The following TIA1 variants were observed in gnomAD, a reference collection of about 807,000 sequenced individuals.
The protein encoded by TIA1 is cytotoxic granule associated RNA binding protein TIA1.
Under a neutral mutation model 65.9 loss-of-function variants are expected in TIA1, and 23 were observed. The observed-to-expected ratio is 0.35, with a 90% CI of 0.25 to 0.49. The LOEUF is 0.49. Among genes scored for constraint, TIA1 ranks in the 20% least tolerant of loss-of-function variants. The probability of loss-of-function intolerance (pLI) is 0.98; values close to 1 mark genes in which losing one functional copy is unlikely to be tolerated. For synonymous variants in TIA1, 147 were observed against 149.4 expected, an observed-to-expected ratio of 0.98 and a Z score of 0.12; for missense variants, 371 against 477.9, an observed-to-expected ratio of 0.78 and a Z score of 2.09.
chr2:70,225,082 A>G (rs1337096306), intron 6 of TIA1: 1 of 995,748 alleles, frequency 1.0e-6, no homozygotes. Flanking sequence ...TATATTCCCT[A>G]AACTAATTAA....
At chr2:70,238,222 T>C (rs771561118) in intron 1 of TIA1, among the ~76,000 whole-genome samples, 1 of 150,504 alleles carries the variant, frequency 6.6e-6, no homozygotes, top group Non-Finnish European at 1.5e-5. Flanking sequence ...TCTACTTCTA[T>C]GGTATTACTA....
chr2:70,236,358 C>G (rs780924164), intron 1 of TIA1, among the ~76,000 whole-genome samples, 183 bp from the exon 2 acceptor site: 2 of 152,076 alleles, frequency 1.3e-5, no homozygotes, highest in African/African-American at 2.4e-5. Context: ...CGTGACCACA[C>G]CCAGCTAATT....
intron 11 of TIA1, 78 bp from the exon 12 acceptor site, chr2:70,214,572 G>C (rs1031935502): frequency 9.3e-7 from 1 of 1,076,906 alleles, no homozygotes; most frequent in Non-Finnish European, 1.2e-6. Context: ...CAAATTCTTA[G>C]CCAAAACACA....
rs1677321128 is a variant in TIA1 at position 70,213,706 on chromosome 2, C to T, written c.1034+643G>A. Among the ~76,000 whole-genome samples, 5 of 151,952 alleles carry T rather than the reference C, an allele frequency of 3.3e-5. No individual in the cohort carries two copies. The South Asian group carries it at 1.0e-3, about 32-fold the overall frequency. ...TTGCTCTGCTGCCCAGGCTGGAGTG[C>T]AGTGGTGTAGTCTCAGCTCACTGCA... is the stretch of plus-strand genomic sequence containing the variant. On this transcript the variant is annotated intron_variant, in intron 12 of 12. Transcript: ENST00000433529.
In TIA1 at chr2:70,214,435, T is replaced by A; in HGVS notation, c.948A>T (p.Ala316=). 1.9e-6 allele frequency: 3 copies of A among 1,614,050 alleles called. No individual in the cohort carries two copies. Among genetic ancestry groups the A allele is most frequent in the South Asian group, 2.2e-5 (2 of 91,072 alleles). ...YGQWGQWYGN[A]QQIGQYMPNG... is the part of the protein sequence containing the mutation. ...TAGGCATATACTGGCCAATTTGTTG[T>A]GCATTTCCATACCACTGGCCCCACT... Residue 316 remains alanine (A), a synonymous_variant, in exon 12 of 13, where the codon GCA becomes GCT. Transcript: ENST00000433529.
At position 70,230,818 on chromosome 2, in the gene TIA1, G is replaced by C; in HGVS notation, c.160C>G (p.His54Asp). ...GCTGCAGCTGCATGACGATGCTCAT[G>C]AAACTCCACAAAACAATAGGGATCA... ...GNDPYCFVEFHEHRHAAAALA... is the reference protein window; with the variant it reads ...GNDPYCFVEFDEHRHAAAALA... Residue 54 changes from histidine (H) to aspartate (D), a missense_variant, in exon 3 of 13, where the codon CAT (histidine) becomes GAT (aspartate). Coordinates refer to ENST00000433529, the MANE Select transcript of TIA1 (RefSeq NM_022173.4). 6.2e-7 allele frequency: 1 copy of C among 1,612,792 alleles called. No homozygotes were observed. Among genetic ancestry groups the C allele is most frequent in the Non-Finnish European group, 8.5e-7 (1 of 1,179,606 alleles).
At position 70,224,848 on chromosome 2, in the gene TIA1, T is replaced by C. The variant is rs1683119537; in HGVS notation, c.399-219A>G. The stretch of plus-strand genomic sequence containing the variant: ...ACTTAAGTATATATGTATATTTATA[T>C]TGTACAGAAATTGCCTCTCTCTTCA... On this transcript the variant is annotated intron_variant, in intron 6 of 12. Transcript: ENST00000433529. The C allele has an allele frequency of 3.1e-6, 4 of 1,297,518 alleles. No homozygotes were observed. The South Asian group carries it at 6.9e-5, about 22-fold the overall frequency. The allele number at this position is 1,297,518 out of a possible 1,614,324, so 80.4% of individuals were successfully genotyped here.
At chr2:70,226,773 G>A (rs772133254) in intron 6 of TIA1, among the ~76,000 whole-genome samples, 8 of 152,098 alleles carry the variant, frequency 5.3e-5, no homozygotes, top group Non-Finnish European at 1.0e-4. Flanking sequence ...TCCTGATCAG[G>A]TCTCACAAAG....
At chr2:70,230,111 C>T (rs1685530537) in intron 3 of TIA1, among the ~76,000 whole-genome samples, 1 of 150,796 alleles carries the variant, frequency 6.6e-6, no homozygotes, top group Non-Finnish European at 1.5e-5. Flanking sequence ...GGCGTGGTGG[C>T]GGGCGCCTGT....
intron 11 of TIA1, chr2:70,215,063 CT>C (rs1286250271): frequency 7.5e-6 from 2 of 268,366 alleles, no homozygotes; most frequent in African/African-American, 4.6e-5. Flanking sequence ...GTCAAGCATG[CT>C]TGTGAGTTCT....
rs982944015 is a variant in TIA1 at position 70,212,150 on chromosome 2, A to C, written c.*569T>G. ...TAATAAGGCAAGACAAATTTGTGAA[A>C]AAAGATGTAGATACAAAAATGATGT... On this transcript the variant is annotated 3_prime_UTR_variant, in exon 13 of 13. Coordinates refer to ENST00000433529, the MANE Select transcript of TIA1 (RefSeq NM_022173.4). 6.6e-6 allele frequency: 1 copy of C among 152,626 alleles called. No homozygotes were observed. The highest frequency in any genetic ancestry group is 1.5e-5 in the Non-Finnish European group (1 of 68,034). The allele number at this position is 152,626 out of a possible 1,614,324, so 9.5% of individuals were successfully genotyped here. A position where few individuals can be genotyped will look rare whatever the true frequency, so the allele number is the denominator to read the frequency against.
chr2:70,230,073 T>C (rs113280398), intron 3 of TIA1, among the ~76,000 whole-genome samples: 12,727 of 151,470 alleles, frequency 0.084, 557 homozygotes, highest in East Asian at 0.18. Context: ...GAAACCCTGT[T>C]TCTACTAAAA....
Position 70,224,949 on chromosome 2 carries a change from G to C in TIA1, c.399-320C>G, listed in dbSNP as rs890680504. On this transcript the variant is annotated intron_variant, in intron 6 of 12. Coordinates refer to ENST00000433529, the MANE Select transcript of TIA1 (RefSeq NM_022173.4). ...CATGAACTACTTAACCACTTATAAA[G>C]TTCACAGGACATTAGATGAATGGCT... 8 of 1,070,400 alleles carry C rather than the reference G, an allele frequency of 7.5e-6. No homozygotes were observed. The East Asian group carries it at 3.5e-4, about 46-fold the overall frequency. The allele number at this position is 1,070,400 out of a possible 1,614,324, so 66.3% of individuals were successfully genotyped here.
At chr2:70,235,541 AGTGTGTGTGT>A (rs145663932) in intron 2 of TIA1, among the ~76,000 whole-genome samples, 8 of 147,204 alleles carry the variant, frequency 5.4e-5, no homozygotes, top group Admixed American at 1.4e-4. Flanking sequence ...TAGATGAATG[AGTGTGTGTGT>A]GTGTGTGTGT....
intron 6 of TIA1, 40 bp from the exon 7 acceptor site, chr2:70,224,669 A>G (rs368325212): frequency 1.3e-5 from 20 of 1,599,464 alleles, no homozygotes; most frequent in Admixed American, 1.7e-5. Flanking sequence ...TTTGCAAACT[A>G]TCCTCTGGAT....
chr2:70,232,703 T>C (rs1357290989), intron 2 of TIA1, among the ~76,000 whole-genome samples: 2 of 151,156 alleles, frequency 1.3e-5, no homozygotes, highest in East Asian at 3.9e-4. Context: ...ACCTCATCTC[T>C]ACTAAAAATA....
chr2:70,235,651 A>G (rs959339116), intron 2 of TIA1, among the ~76,000 whole-genome samples: 1 of 152,156 alleles, frequency 6.6e-6, no homozygotes, highest in Non-Finnish European at 1.5e-5. Flanking sequence ...ACCTTTAAAA[A>G]TAAAGTTAAA....
intron 1 of TIA1, among the ~76,000 whole-genome samples, chr2:70,243,030 T>C (rs1215852661): frequency 6.6e-6 from 1 of 152,250 alleles, no homozygotes; most frequent in Non-Finnish European, 1.5e-5. Context: ...TTAAATGTAC[T>C]GTCTCAGAAT....
chr2:70,239,359 T>C (rs927475079), intron 1 of TIA1, among the ~76,000 whole-genome samples: 4 of 152,168 alleles, frequency 2.6e-5, no homozygotes, highest in African/African-American at 9.6e-5. Flanking sequence ...CCCAAAGTGT[T>C]TGGATTACAG....
Sources: gnomAD v4.1 joint callset for allele counts (sites outside exome capture counted in the v4.1 genomes callset) on GRCh38, gnomAD v4.1.1 for gene constraint, MANE v1.5 for transcripts, NCBI Gene and HGNC (gene_info 2026-07-23, HGNC 2026-07-21) for gene names.